GPR107: variants seen among roughly 807,000 people sequenced by gnomAD.
GPR107 encodes protein GPR107.
Under a neutral mutation model 75.5 loss-of-function variants are expected in GPR107, and 31 were observed. That is an observed-to-expected ratio of 0.41 (90% CI 0.31 to 0.55). The LOEUF is 0.55. GPR107 is among the 20% of genes least tolerant of loss of function. The pLI is 0.26. For synonymous variants in GPR107, 267 were observed against 251.3 expected (o/e 1.06, Z -0.59); for missense variants, 572 against 665.7 (o/e 0.86, Z 1.55).
intron 13 of GPR107, among the ~76,000 whole-genome samples, 158 bp from the exon 14 acceptor site, chr9:130,107,337 TC>T (rs746423876): frequency 6.6e-6 from 1 of 151,948 alleles, no homozygotes; most frequent in South Asian, 2.1e-4. Flanking sequence ...ATCAACCATT[TC>T]CCCCCCTCTA....
At chr9:130,076,618 G>A (rs964025426) in intron 3 of GPR107, among the ~76,000 whole-genome samples, 156 bp downstream of exon 3, 6 of 152,004 alleles carry the variant, frequency 3.9e-5, no homozygotes, top group Admixed American at 6.6e-5. Context: ...AGGCTTAAGC[G>A]ATCCTCCCGC....
In GPR107 at chr9:130,138,959, C is replaced by T. The variant is rs1306538427; in HGVS notation, c.*3838C>T. On this transcript the variant is annotated 3_prime_UTR_variant, in exon 18 of 18. Transcript: ENST00000347136. ...AGATAGTCTGCTGAGGTTGTTGGCC[C>T]AGCTCCATACACCCAGTAGAACAGT... The T allele has an allele frequency of 6.6e-6, 1 of 152,180 alleles. No individual in the cohort carries two copies. The highest frequency in any genetic ancestry group is 1.5e-5 in the Non-Finnish European group (1 of 68,066). The allele number at this position is 152,180 out of a possible 1,614,324, so 9.4% of individuals were successfully genotyped here. A position where few individuals can be genotyped will look rare whatever the true frequency, so the allele number is the denominator to read the frequency against.
chr9:130,080,760 G>T (rs1273574390), intron 5 of GPR107, among the ~76,000 whole-genome samples: 3 of 151,578 alleles, frequency 2.0e-5, no homozygotes, highest in Non-Finnish European at 2.9e-5. Flanking sequence ...CAAAGTGCTG[G>T]GATTACAGGC....
intron 1 of GPR107, among the ~76,000 whole-genome samples, chr9:130,069,141 G>T (rs1220976706): frequency 1.3e-5 from 2 of 152,176 alleles, no homozygotes; most frequent in Admixed American, 6.6e-5. Flanking sequence ...CCATCTACTA[G>T]CCTAATGATT....
At position 130,112,834 on chromosome 9, in the gene GPR107, C is replaced by T. The variant is rs559670323; in HGVS notation, c.1306+5295C>T. Among the ~76,000 whole-genome samples the T allele has an allele frequency of 6.6e-6, 1 of 152,256 alleles. No individual in the cohort carries two copies. The highest frequency in any genetic ancestry group is 2.4e-5 in the African/African-American group (1 of 41,544). On this transcript the variant is annotated intron_variant, in intron 14 of 17. Transcript: ENST00000347136. This position sits in a 1 kb window ranked among gnomAD's most constrained non-coding sequence, Gnocchi z 4.0. ...GTGTAATCTTGGCTTACTGCAGCCT[C>T]AACCTCCTGGGCCCAACCGATCCTC...
At chr9:130,095,786 G>T (rs1445498596) in intron 9 of GPR107, among the ~76,000 whole-genome samples, 1 of 152,136 alleles carries the variant, frequency 6.6e-6, no homozygotes, top group Non-Finnish European at 1.5e-5. Flanking sequence ...AGTGTGCATG[G>T]GGGAAGGTCA....
Position 130,107,549 on chromosome 9 carries a change from C to G in GPR107, c.1306+10C>G. On this transcript the variant is annotated intron_variant, in intron 14 of 17. Transcript: ENST00000347136. ...GCAACAGATGGAAAAGGCAAGTTCT[C>G]TCGTGCTCATTTTGTGTTGCTCAGC... 1.3e-6 allele frequency: 2 copies of G among 1,570,168 alleles called. No individual in the cohort carries two copies. The highest frequency in any genetic ancestry group is 8.8e-7 in the Non-Finnish European group (1 of 1,139,898).
chr9:130,055,509 C>G (rs1205495824), intron 1 of GPR107, among the ~76,000 whole-genome samples: 1 of 119,538 alleles, frequency 8.4e-6, no homozygotes, highest in Non-Finnish European at 1.6e-5. Context: ...GCCTGGGCAA[C>G]AGCGCGAGAC....
intron 14 of GPR107, among the ~76,000 whole-genome samples, chr9:130,119,942 G>C (rs1312833583): frequency 2.0e-5 from 3 of 152,096 alleles, no homozygotes; most frequent in Non-Finnish European, 4.4e-5. Context: ...TCCTACCTCA[G>C]CCTCTCAAGT....
chr9:130,078,306 A>G (rs1830411231), intron 4 of GPR107, among the ~76,000 whole-genome samples: 4 of 152,180 alleles, frequency 2.6e-5, no homozygotes, highest in African/African-American at 9.7e-5. Context: ...CCTGTAAGGT[A>G]GACTCCTAGC....
At chr9:130,074,232 G>C (rs1188412189) in intron 1 of GPR107, among the ~76,000 whole-genome samples, 5 of 152,172 alleles carry the variant, frequency 3.3e-5, no homozygotes, top group Non-Finnish European at 7.3e-5. Flanking sequence ...ATAGTGCAGT[G>C]TGGTGTAGTT....
At chr9:130,076,504 GC>G in intron 3 of GPR107, 42 bp downstream of exon 3, 1 of 1,248,810 alleles carries the variant, frequency 8.0e-7, no homozygotes, top group East Asian at 2.3e-5. Flanking sequence ...CTTCACCTGA[GC>G]CCAGGCCATT....
chr9:130,093,013 A>G (rs1484374420), intron 9 of GPR107, among the ~76,000 whole-genome samples: 1 of 152,218 alleles, frequency 6.6e-6, no homozygotes, highest in East Asian at 1.9e-4. Context: ...GAGTAAACAC[A>G]TGGGTCTCAT....
rs1831947092 is a variant in GPR107, at chr9:130,136,003, T to A, written c.*882T>A. 6.6e-6 allele frequency: 1 copy of A among 152,250 alleles called. No individual in the cohort carries two copies. The highest frequency in any genetic ancestry group is 6.5e-5 in the Admixed American group (1 of 15,274). The allele number at this position is 152,250 out of a possible 1,614,324, so 9.4% of individuals were successfully genotyped here. A position where few individuals can be genotyped will look rare whatever the true frequency, so the allele number is the denominator to read the frequency against. ...GGCTTTGTTGTGTTTGATCAGAATT[T>A]TGGGGGAAATGGAAAGTTTTCCTCA... is the stretch of plus-strand genomic sequence containing the variant. On this transcript the variant is annotated 3_prime_UTR_variant, in exon 18 of 18. Transcript: ENST00000347136.
At chr9:130,067,337 A>G (rs1830094383) in intron 1 of GPR107, among the ~76,000 whole-genome samples, 1 of 152,172 alleles carries the variant, frequency 6.6e-6, no homozygotes. Flanking sequence ...TAAATATTTG[A>G]TGCTTTTTAT....
chr9:130,117,636 C>T (rs901779343), intron 14 of GPR107, among the ~76,000 whole-genome samples: 2 of 152,170 alleles, frequency 1.3e-5, no homozygotes, highest in African/African-American at 4.8e-5. Context: ...CGAGACTCAG[C>T]GTAAGTCAGA....
In GPR107 at chr9:130,099,527, C is replaced by T; in HGVS notation, c.934C>T (p.His312Tyr). Residue 312 changes from histidine (H) to tyrosine (Y), a missense_variant, in exon 10 of 18, where the codon CAT becomes TAT. His to Tyr is a moderately conservative substitution (Grantham distance 83, BLOSUM62 2). Transcript: ENST00000347136. ...PFTKSLSLVF[H>Y]AIDYHYISSQ... ...CACCAAGTCTCTTTCCTTGGTGTTC[C>T]ATGCAGTATGTATTAGCATTTTGAG... 6.3e-7 allele frequency: 1 copy of T among 1,575,136 alleles called. No homozygotes were observed. The highest frequency in any genetic ancestry group is 8.7e-7 in the Non-Finnish European group (1 of 1,144,720).
intron 1 of GPR107, among the ~76,000 whole-genome samples, chr9:130,056,279 A>G (rs1829783954): frequency 6.6e-6 from 1 of 151,806 alleles, no homozygotes; most frequent in South Asian, 2.1e-4. Flanking sequence ...TTGTGAAATC[A>G]CATCTCTACT....
At chr9:130,057,766 A>G (rs1235341234) in intron 1 of GPR107, among the ~76,000 whole-genome samples, 1 of 151,450 alleles carries the variant, frequency 6.6e-6, no homozygotes, top group Non-Finnish European at 1.5e-5. Flanking sequence ...TGGCTTTCCC[A>G]GTCTTCTCAC....
Sources: allele counts gnomAD v4.1 joint callset (sites outside exome capture counted in the v4.1 genomes callset), GRCh38; gene constraint gnomAD v4.1.1; non-coding constraint Gnocchi (gnomAD v3.1); transcripts MANE v1.5; gene names NCBI Gene and HGNC (gene_info 2026-07-23, HGNC 2026-07-21).